The following COG5 variants were observed in gnomAD, a reference collection of about 807,000 sequenced individuals.
The protein encoded by COG5 is component of oligomeric golgi complex 5.
COG5 carries 86 observed loss-of-function variants against 110.4 expected under a neutral mutation model. That is an observed-to-expected ratio of 0.78 (90% CI 0.65 to 0.93). The LOEUF is 0.93. Among genes scored for constraint, COG5 ranks in the 40% least tolerant of loss-of-function variants. The pLI is 0.00. For missense variants in COG5, 1,077 were observed against 987.0 expected, an observed-to-expected ratio of 1.09 and a Z score of -1.22; for synonymous variants, 360 against 334.6, an observed-to-expected ratio of 1.08 and a Z score of -0.83.
At chr7:107,384,171 G>A (rs1251827612) in intron 7 of COG5, among the ~76,000 whole-genome samples, 1 of 152,134 alleles carries the variant, frequency 6.6e-6, no homozygotes, top group Non-Finnish European at 1.5e-5. Context: ...GGCTCCTTCT[G>A]CTGGGAACCC....
intron 6 of COG5, chr7:107,475,228 G>A (rs535739336): frequency 6.2e-7 from 1 of 1,611,040 alleles, no homozygotes; most frequent in Non-Finnish European, 8.5e-7. Context: ...TGTTTCTATA[G>A]TAGAAGCTGA....
At chr7:107,295,891 A>G (rs993508941) in intron 12 of COG5, among the ~76,000 whole-genome samples, 2 of 152,124 alleles carry the variant, frequency 1.3e-5, no homozygotes, top group African/African-American at 4.8e-5. Flanking sequence ...TCCCAGGTTC[A>G]AGCCATTCTC....
chr7:107,441,415 G>A (rs1463342947), intron 6 of COG5, among the ~76,000 whole-genome samples: 1 of 152,070 alleles, frequency 6.6e-6, no homozygotes, highest in Non-Finnish European at 1.5e-5. Flanking sequence ...TCCTTAACTT[G>A]TCTCCATTCT....
chr7:107,474,492 T>C lies in COG5; in HGVS notation c.538+52745A>G. ...TCACTTTGGACAGATATGACATCTC[T>C]GTAAAACCTGCAAACCGAATTCTGA... On this transcript the variant is annotated intron_variant, in intron 6 of 21. Coordinates refer to ENST00000297135, the MANE Select transcript of COG5 (RefSeq NM_006348.5). The surrounding 1 kb of genome is among the most constrained non-coding windows in gnomAD (Gnocchi z 5.7). 6.2e-7 allele frequency: 1 copy of C among 1,613,270 alleles called. No homozygotes were observed. The highest frequency in any genetic ancestry group is 8.5e-7 in the Non-Finnish European group (1 of 1,179,492).
chr7:107,286,501 A>G (rs1280086070), intron 12 of COG5, among the ~76,000 whole-genome samples: 1 of 152,180 alleles, frequency 6.6e-6, no homozygotes, highest in Non-Finnish European at 1.5e-5. Context: ...TGTTCTCTGT[A>G]TCTGCTGCTA....
chr7:107,261,068 G>A (rs1008775780), intron 14 of COG5, among the ~76,000 whole-genome samples: 3 of 151,810 alleles, frequency 2.0e-5, no homozygotes, highest in South Asian at 2.1e-4. Context: ...CAAGTCCCAC[G>A]GTGGGCCCTG....
At chr7:107,251,905 A>C (rs1802538678) in intron 16 of COG5, among the ~76,000 whole-genome samples, 1 of 152,182 alleles carries the variant, frequency 6.6e-6, no homozygotes, top group African/African-American at 2.4e-5. Flanking sequence ...GAAAACAGAG[A>C]AAACTAGTAA....
At chr7:107,236,082 T>A (rs1312877122) in intron 18 of COG5, among the ~76,000 whole-genome samples, 1 of 152,240 alleles carries the variant, frequency 6.6e-6, no homozygotes, top group Non-Finnish European at 1.5e-5. Context: ...TTTCACTGTT[T>A]GAAATATGAT....
intron 5 of COG5, among the ~76,000 whole-genome samples, chr7:107,535,179 G>C (rs1801492071): frequency 6.6e-6 from 1 of 151,722 alleles, no homozygotes; most frequent in East Asian, 1.9e-4. Flanking sequence ...AGTGTTTAGA[G>C]GGAAATTTAT....
chr7:107,535,064 T>C (rs774311317), intron 5 of COG5, among the ~76,000 whole-genome samples: 11 of 151,648 alleles, frequency 7.3e-5, no homozygotes, highest in Non-Finnish European at 1.3e-4. Flanking sequence ...TGATCCTGAA[T>C]GACTACTGGG....
intron 6 of COG5, among the ~76,000 whole-genome samples, chr7:107,496,657 CA>C (rs1010946735): frequency 8.8e-5 from 8 of 90,684 alleles, no homozygotes; most frequent in South Asian, 3.1e-4. Flanking sequence ...GACTCTGTCT[CA>C]AAAAAAAAAC....
At chr7:107,329,117 T>C (rs555768185) in intron 10 of COG5, among the ~76,000 whole-genome samples, 1 of 152,338 alleles carries the variant, frequency 6.6e-6, no homozygotes, top group East Asian at 1.9e-4. Flanking sequence ...CCTTATTTTC[T>C]ACATACAAAT....
chr7:107,258,584 T>C, intron 14 of COG5: 1 of 600,286 alleles, frequency 1.7e-6, no homozygotes, highest in Non-Finnish European at 3.0e-6. Flanking sequence ...ACCAGCAATC[T>C]GTGTAGAGAA....
intron 6 of COG5, among the ~76,000 whole-genome samples, chr7:107,455,584 A>C (rs532817340): frequency 1.3e-5 from 2 of 152,326 alleles, no homozygotes; most frequent in South Asian, 4.1e-4. Context: ...ACAAAGCCTA[A>C]AATATTTATT....
chr7:107,326,501 A>G (rs1045718991), intron 10 of COG5, among the ~76,000 whole-genome samples: 4 of 152,190 alleles, frequency 2.6e-5, no homozygotes, highest in African/African-American at 9.7e-5. Context: ...GTTTCTACAA[A>G]CTAACAATGA....
At position 107,412,645 on chromosome 7, in the gene COG5, A is replaced by G. The variant is rs1187922442; in HGVS notation, c.539-13T>C. ...TGAGAAAGATAATCTGTTTAAAACA[A>G]AAACATACACATTCAAATATTTCAA... is the stretch of plus-strand genomic sequence containing the variant. On this transcript the variant is annotated splice_polypyrimidine_tract_variant and intron_variant, in intron 6 of 21. Coordinates refer to ENST00000297135, the MANE Select transcript of COG5 (RefSeq NM_006348.5). The G allele has an allele frequency of 2.8e-6, 4 of 1,426,402 alleles. No individual in the cohort carries two copies. The highest frequency in any genetic ancestry group is 3.9e-6 in the Non-Finnish European group (4 of 1,015,206). 88.4% of individuals were successfully genotyped at this position (1,426,402 alleles called of 1,614,324 possible). A position where few individuals can be genotyped will look rare whatever the true frequency, so the allele number is the denominator to read the frequency against.
At chr7:107,475,235 C>A in intron 6 of COG5, 1 of 1,609,566 alleles carries the variant, frequency 6.2e-7, no homozygotes, top group East Asian at 2.2e-5. Flanking sequence ...ATAGTAGAAG[C>A]TGATCCCCTG....
intron 21 of COG5, chr7:107,208,350 T>C: frequency 2.0e-6 from 2 of 985,412 alleles, no homozygotes; most frequent in Non-Finnish European, 2.4e-6. Flanking sequence ...TCAGGAGACA[T>C]TTTTAAAGAG....
rs751733948 is a variant in COG5 at position 107,548,310 on chromosome 7, C to T, written c.315G>A (p.Thr105=). 16 of 1,613,756 alleles carry T rather than the reference C, an allele frequency of 9.9e-6. No individual in the cohort carries two copies. Among genetic ancestry groups the T allele is most frequent in the East Asian group, 4.5e-5 (2 of 44,880 alleles). Residue 105 remains threonine (T), a synonymous_variant, in exon 4 of 22, where the codon ACG becomes ACA. Transcript: ENST00000297135. ...SLEGVLQMMQ[T]RIGALQGAVD... ...CAGCTCCCTGTAAAGCCCCAATTCT[C>T]GTCTGCATCATCTGAAGAACACCTA...
Sources: gnomAD v4.1 joint callset for allele counts (sites outside exome capture counted in the v4.1 genomes callset) on GRCh38, gnomAD v4.1.1 for gene constraint, Gnocchi (gnomAD v3.1) non-coding constraint, MANE v1.5 for transcripts, NCBI Gene and HGNC (gene_info 2026-07-23, HGNC 2026-07-21) for gene names.